CUL3: variants seen among roughly 807,000 people sequenced by gnomAD.
CUL3 encodes cullin 3, also known as cullin-3.
Under a neutral mutation model 89.1 loss-of-function variants are expected in CUL3, and 19 were observed. The observed-to-expected ratio is 0.21, with a 90% confidence interval of 0.15 to 0.31. CUL3 has a LOEUF of 0.31. Ranked by LOEUF, CUL3 falls within the 10% of genes least tolerant of loss-of-function variation. The probability of loss-of-function intolerance (pLI) is 1.00; values close to 1 mark genes in which losing one functional copy is unlikely to be tolerated. For synonymous variants in CUL3, 351 were observed against 308.4 expected, an observed-to-expected ratio of 1.14 and a Z score of -1.45; for missense variants, 469 against 942.3, an observed-to-expected ratio of 0.50 and a Z score of 6.58.
intron 3 of CUL3, among the ~76,000 whole-genome samples, chr2:224,531,332 C>T (rs774560867): frequency 1.4e-4 from 22 of 151,962 alleles, no homozygotes; most frequent in Admixed American, 2.6e-4. Flanking sequence ...AAGTAATCCA[C>T]CCACCTAGGC....
intron 13 of CUL3, among the ~76,000 whole-genome samples, chr2:224,491,289 C>T (rs1691966498): frequency 6.6e-6 from 1 of 152,116 alleles, no homozygotes; most frequent in Admixed American, 6.5e-5. Context: ...TATTCTTTAG[C>T]TTTTACTGTC....
chr2:224,554,214 T>C (rs901400374), intron 2 of CUL3, among the ~76,000 whole-genome samples: 7 of 152,206 alleles, frequency 4.6e-5, no homozygotes, highest in African/African-American at 1.7e-4. Context: ...AGCTATCTTC[T>C]TCTGCACTTG....
At chr2:224,507,798 T>G (rs1159964512) in intron 6 of CUL3, among the ~76,000 whole-genome samples, 2 of 152,188 alleles carry the variant, frequency 1.3e-5, no homozygotes. Context: ...AGTGTTTCTT[T>G]GCAATAACAA....
intron 13 of CUL3, among the ~76,000 whole-genome samples, chr2:224,490,666 G>A (rs931489065): frequency 2.7e-5 from 4 of 149,096 alleles, no homozygotes; most frequent in Non-Finnish European, 4.4e-5. Flanking sequence ...GTATACCTAT[G>A]TAACAAACTT....
rs544481607 is a variant in CUL3, at chr2:224,543,003, A to C, written c.265-7362T>G. ...TGTGCACAGTTCTCCCATACCCCAC[A>C]ACACACATAATTGTTTTTAATCATT... On this transcript the variant is annotated intron_variant, in intron 2 of 15. Transcript: ENST00000264414. 5.9e-5 allele frequency among the ~76,000 whole-genome samples: 9 copies of C among 152,324 alleles called. 2 individuals carry two copies. Among genetic ancestry groups the C allele is most frequent in the African/African-American group, 2.2e-4 (9 of 41,570 alleles).
At position 224,584,997 on chromosome 2, in the gene CUL3, TC is replaced by T; in HGVS notation, c.12del (p.Ser5AlafsTer19). On this transcript the variant is annotated frameshift_variant, in exon 1 of 16. Coordinates refer to ENST00000264414, the MANE Select transcript of CUL3 (RefSeq NM_003590.5). LOFTEE classifies it high-confidence loss of function. Reference protein sequence around the residue: MSNLSKGTGSRKDT... With the variant: MSNXSKGTGSRKDT... ...TCCTTCCGGCTGCCCGTGCCTTTGC[TC>T]AGATTCGACATGGTGCTCGTCCCCT... is the stretch of plus-strand genomic sequence containing the variant. 2 of 1,511,500 alleles carry T rather than the reference TC, an allele frequency of 1.3e-6. No individual in the cohort carries two copies. The highest frequency in any genetic ancestry group is 1.8e-6 in the Non-Finnish European group (2 of 1,119,172). 93.6% of individuals were successfully genotyped at this position (1,511,500 alleles called of 1,614,324 possible). A position where few individuals can be genotyped will look rare whatever the true frequency, so the allele number is the denominator to read the frequency against.
At chr2:224,515,618 C>G (rs1205791373) in intron 3 of CUL3, among the ~76,000 whole-genome samples, 1 of 152,066 alleles carries the variant, frequency 6.6e-6, no homozygotes, top group African/African-American at 2.4e-5. Flanking sequence ...CAGGTTATAG[C>G]TAACGATAAG....
intron 1 of CUL3, among the ~76,000 whole-genome samples, chr2:224,577,654 CTT>C (rs1320459987): frequency 1.3e-5 from 2 of 151,858 alleles, no homozygotes; most frequent in East Asian, 1.9e-4. Flanking sequence ...CTTTCAGTCT[CTT>C]TACTTTTTAG....
chr2:224,509,876 T>C (rs941674926), intron 6 of CUL3, among the ~76,000 whole-genome samples: 6 of 152,202 alleles, frequency 3.9e-5, no homozygotes, highest in African/African-American at 1.4e-4. Context: ...AGAGACCACT[T>C]AGAGAAGGGT....
intron 14 of CUL3, among the ~76,000 whole-genome samples, chr2:224,480,850 T>C (rs1691512663): frequency 6.6e-6 from 1 of 152,146 alleles, no homozygotes; most frequent in Admixed American, 6.6e-5. Context: ...AGTTTTGTTT[T>C]ATTCTTAATA....
intron 2 of CUL3, among the ~76,000 whole-genome samples, chr2:224,552,595 C>T (rs970759294): frequency 5.3e-5 from 8 of 152,282 alleles, no homozygotes; most frequent in African/African-American, 1.4e-4. Context: ...GTCTGTGTTG[C>T]GCTACTTTAC....
At chr2:224,480,868 A>T (rs901962968) in intron 14 of CUL3, among the ~76,000 whole-genome samples, 1 of 152,146 alleles carries the variant, frequency 6.6e-6, no homozygotes, top group Non-Finnish European at 1.5e-5. Flanking sequence ...ATATATATTT[A>T]TGTCAAGACA....
At chr2:224,495,609 A>G (rs551441093) in intron 13 of CUL3, 3 of 340,184 alleles carry the variant, frequency 8.8e-6, no homozygotes, top group East Asian at 5.4e-5. Flanking sequence ...GTCTACTTAT[A>G]TAAGGTATGT....
At chr2:224,547,071 A>G (rs1694331304) in intron 2 of CUL3, among the ~76,000 whole-genome samples, 3 of 152,152 alleles carry the variant, frequency 2.0e-5, no homozygotes, top group Admixed American at 2.0e-4. Flanking sequence ...GTTAAACATC[A>G]AGACAAGATA....
chr2:224,533,945 C>T (rs12993790), intron 3 of CUL3, among the ~76,000 whole-genome samples: 28,869 of 152,094 alleles, frequency 0.19, 3,070 homozygotes, highest in South Asian at 0.27. Flanking sequence ...TGTTTGTTCT[C>T]ATTGGAAATT....
At chr2:224,526,414 GTCT>G (rs1693475451) in intron 3 of CUL3, among the ~76,000 whole-genome samples, 1 of 151,622 alleles carries the variant, frequency 6.6e-6, no homozygotes, top group Non-Finnish European at 1.5e-5. Context: ...GGTGAATCCC[GTCT>G]TTAAGAAAAA....
At chr2:224,572,839 A>G (rs962516940) in intron 1 of CUL3, among the ~76,000 whole-genome samples, 2 of 152,146 alleles carry the variant, frequency 1.3e-5, no homozygotes, top group African/African-American at 4.8e-5. Context: ...TCGTGTCGGA[A>G]GCAGACAGCA....
Position 224,585,164 on chromosome 2 carries a change from C to G in CUL3, c.-155G>C, listed in dbSNP as rs965992754. The G allele has an allele frequency of 3.3e-6, 1 of 303,228 alleles. No individual in the cohort carries two copies. Among genetic ancestry groups the G allele is most frequent in the Non-Finnish European group, 5.0e-6 (1 of 201,898 alleles). 18.8% of individuals were successfully genotyped at this position (303,228 alleles called of 1,614,324 possible). A position where few individuals can be genotyped will look rare whatever the true frequency, so the allele number is the denominator to read the frequency against. On this transcript the variant is annotated 5_prime_UTR_variant, in exon 1 of 16. Transcript: ENST00000264414. ...GAGCTGGCCGGCCCCTGGGCAGCCG[C>G]GGCGGCGGCGGGGGCGGCGGCGGCG...
At chr2:224,526,585 C>CAAAAAAAAAAAAAAAAA (rs1166152595) in intron 3 of CUL3, among the ~76,000 whole-genome samples, 1 of 26,166 alleles carries the variant, frequency 3.8e-5, no homozygotes, top group African/African-American at 8.8e-5. Context: ...GACTCCGTCT[C>CAAAAAAAAAAAAAAAAA]AAAAAAAAAA....
Sources: gnomAD v4.1 joint callset for allele counts (sites outside exome capture counted in the v4.1 genomes callset) on GRCh38, gnomAD v4.1.1 for gene constraint, MANE v1.5 for transcripts, NCBI Gene and HGNC (gene_info 2026-07-23, HGNC 2026-07-21) for gene names.